The following ATP1A2 variants were observed in gnomAD, a reference collection of about 807,000 sequenced individuals.
The protein encoded by ATP1A2 is ATPase Na+/K+ transporting subunit alpha 2, also known as sodium/potassium-transporting ATPase subunit alpha-2.
In ATP1A2, 56 loss-of-function variants were observed where a neutral mutation model predicts 113.1. That is an observed-to-expected ratio of 0.49 (90% CI 0.40 to 0.62). ATP1A2 has a LOEUF of 0.62. Among genes scored for constraint, ATP1A2 ranks in the 20% least tolerant of loss-of-function variants. The pLI, the probability that ATP1A2 is intolerant of heterozygous loss-of-function variation, is 0.00. For missense variants in ATP1A2, 712 were observed against 1,357.8 expected (o/e 0.52, Z 7.47); for synonymous variants, 490 against 526.8 (o/e 0.93, Z 0.96).
intron 8 of ATP1A2, 84 bp from the exon 9 acceptor site, chr1:160,128,568 G>A (rs1651658944): frequency 6.3e-7 from 1 of 1,598,438 alleles, no homozygotes; most frequent in Non-Finnish European, 8.5e-7. Context: ...CAGGGGAGGA[G>A]GAATGGAGCC....
rs912419331 is a variant in ATP1A2, at chr1:160,128,677, G to A, written c.1043G>A (p.Arg348His). The change falls in exon 9 of 23, where the codon CGC becomes CAC. Residue 348 changes from arginine (R) to histidine (H), a missense_variant. Around this residue, in one of 6 missense-constraint regions of ATP1A2, gnomAD observed 44 missense variants for 153.1 expected, o/e 0.29. Coordinates refer to ENST00000361216, the MANE Select transcript of ATP1A2 (RefSeq NM_000702.4). The part of the protein sequence containing the change: ...VTVCLTLTAK[R>H]MARKNCLVKN... ...GTGTGCCTGACCCTGACAGCCAAGCGCATGGCACGGAAGAACTGCCTGGTG... is the reference window on the plus strand; with the variant it reads ...GTGTGCCTGACCCTGACAGCCAAGCACATGGCACGGAAGAACTGCCTGGTG... The A allele has an allele frequency of 2.5e-6, 4 of 1,614,008 alleles. No individual in the cohort carries two copies. Among genetic ancestry groups the A allele is most frequent in the African/African-American group, 1.3e-5 (1 of 74,890 alleles).
At chr1:160,139,600 G>A in intron 20 of ATP1A2, 40 bp from the exon 21 acceptor site, 2 of 1,581,148 alleles carry the variant, frequency 1.3e-6, no homozygotes, top group Non-Finnish European at 1.7e-6. Flanking sequence ...CTGCCTCCAT[G>A]ATCCCCCTTC....
chr1:160,124,088 C>G, intron 5 of ATP1A2, 32 bp downstream of exon 5: 1 of 1,610,636 alleles, frequency 6.2e-7, no homozygotes, highest in Non-Finnish European at 8.5e-7. Context: ...CTGGGCTAGG[C>G]TGTAAGGTTT....
intron 13 of ATP1A2, among the ~76,000 whole-genome samples, chr1:160,131,350 T>C (rs1651765113): frequency 6.6e-6 from 1 of 152,200 alleles, no homozygotes; most frequent in Non-Finnish European, 1.5e-5. Context: ...AGAGGGAAAC[T>C]GAGGCACAAA....
At chr1:160,117,006 G>T (rs1651206614) in intron 1 of ATP1A2, among the ~76,000 whole-genome samples, 1 of 152,184 alleles carries the variant, frequency 6.6e-6, no homozygotes, top group Admixed American at 6.5e-5. Flanking sequence ...CCATAGGCGG[G>T]GAGTCCTGCA....
chr1:160,127,559 CA>C lies in ATP1A2; in HGVS notation c.757del (p.Arg253GlyfsTer4). On this transcript the variant is annotated frameshift_variant, in exon 8 of 23. Coordinates refer to ENST00000361216, the MANE Select transcript of ATP1A2 (RefSeq NM_000702.4). LOFTEE classifies it high-confidence loss of function. ...FSTNCVEGTA[R>X]GIVIATGDRT... ...TGCCCCACCATGTTGCAGGCACTGC[CA>C]GGGGCATTGTGATTGCCACAGGAGA... 1 of 1,614,220 alleles carries C rather than the reference CA, an allele frequency of 6.2e-7. No homozygotes were observed. Among genetic ancestry groups the C allele is most frequent in the Non-Finnish European group, 8.5e-7 (1 of 1,180,040 alleles).
intron 10 of ATP1A2, 59 bp from the exon 11 acceptor site, chr1:160,129,207 C>A: frequency 1.2e-6 from 2 of 1,613,294 alleles, no homozygotes; most frequent in Non-Finnish European, 1.7e-6. Flanking sequence ...GCCGCCTTCA[C>A]CTGATCCTCC....
chr1:160,119,104 T>C lies in ATP1A2; in HGVS notation c.13-1802T>C, dbSNP rs561524222. Among the ~76,000 whole-genome samples, 472 of 151,792 alleles carry C rather than the reference T, an allele frequency of 3.1e-3. 1 individual carries two copies. Among genetic ancestry groups the C allele is most frequent in the African/African-American group, 0.011 (445 of 41,334 alleles). On this transcript the variant is annotated intron_variant, in intron 1 of 22. Coordinates refer to ENST00000361216, the MANE Select transcript of ATP1A2 (RefSeq NM_000702.4). Reference sequence around the variant, plus strand: ...AATGTAACACTCTGATGCAGGGTGTTGATAGTGGGTGAGGCTGTGCATGTG... The same window carrying C: ...AATGTAACACTCTGATGCAGGGTGTCGATAGTGGGTGAGGCTGTGCATGTG...
Position 160,136,391 on chromosome 1 carries a change from C to T in ATP1A2, c.2563+21C>T, listed in dbSNP as rs752883804. On this transcript the variant is annotated intron_variant, in intron 18 of 22. Coordinates refer to ENST00000361216, the MANE Select transcript of ATP1A2 (RefSeq NM_000702.4). ...GATCGGTGCGCCAAGCCCCGGGCCT[C>T]GGGAGGGAACCCCAACAGGGTTCTT... 2.3e-5 allele frequency: 37 copies of T among 1,613,584 alleles called. No homozygotes were observed. The South Asian group carries it at 2.4e-4, about 11-fold the overall frequency.
rs149360173 is a variant in ATP1A2, at chr1:160,125,978, G to C, written c.748+725G>C. ...AGGAGTAGGAGGGAAGAGACAGAAA[G>C]AGGCCTCACTAGACCAGTGGCCTCT... On this transcript the variant is annotated intron_variant, in intron 7 of 22. Coordinates refer to ENST00000361216, the MANE Select transcript of ATP1A2 (RefSeq NM_000702.4). Among the ~76,000 whole-genome samples, 5 of 152,326 alleles carry C rather than the reference G, an allele frequency of 3.3e-5. No homozygotes were observed. In the East Asian group the frequency reaches 9.6e-4, roughly 29 times the overall value.
Position 160,120,962 on chromosome 1 carries a change from G to A in ATP1A2, c.69G>A (p.Lys23=). The stretch of plus-strand genomic sequence containing the variant: ...CGGCAGAGAATGGGGGCGGCAAGAA[G>A]AAACAGAAGGAGAAGGAACTGGATG... ...ATTAENGGGK[K]KQKEKELDEL... The change falls in exon 2 of 23, where the codon AAG becomes AAA. Residue 23 remains lysine, a synonymous_variant. Coordinates refer to ENST00000361216, the MANE Select transcript of ATP1A2 (RefSeq NM_000702.4). The A allele has an allele frequency of 6.2e-7, 1 of 1,613,004 alleles. No individual in the cohort carries two copies. The highest frequency in any genetic ancestry group is 8.5e-7 in the Non-Finnish European group (1 of 1,179,422).
chr1:160,141,109 A>G lies in ATP1A2; in HGVS notation c.3035-185A>G, dbSNP rs115994216. Among the ~76,000 whole-genome samples, 3,870 of 152,090 alleles carry G rather than the reference A, an allele frequency of 0.025. 155 individuals are homozygous for G. Among genetic ancestry groups the G allele is most frequent in the African/African-American group, 0.088 (3,664 of 41,464 alleles). The stretch of plus-strand genomic sequence containing the variant: ...TCTCCGCCTGCCTCAGCCTCCCAGT[A>G]TGCTGGGATTACAGGCATGAGCCAC... On this transcript the variant is annotated intron_variant, in intron 22 of 22. Coordinates refer to ENST00000361216, the MANE Select transcript of ATP1A2 (RefSeq NM_000702.4).
In ATP1A2 at chr1:160,140,003, C is replaced by T. The variant is rs764618541; in HGVS notation, c.3034+19C>T. The T allele has an allele frequency of 6.2e-7, 1 of 1,611,458 alleles. No individual in the cohort carries two copies. The highest frequency in any genetic ancestry group is 8.5e-7 in the Non-Finnish European group (1 of 1,178,854). On this transcript the variant is annotated intron_variant, in intron 22 of 22. Transcript: ENST00000361216. ...CCTGGTGGTAAGCCCCTCCACATTC[C>T]CCCCAGCAAAGTGCAAGCCCCACCA...
At chr1:160,122,445 C>T (rs1250737283) in intron 3 of ATP1A2, among the ~76,000 whole-genome samples, 1 of 150,796 alleles carries the variant, frequency 6.6e-6, no homozygotes, top group South Asian at 2.1e-4. Context: ...AGAAACGGTC[C>T]CTGCTTTAAA....
intron 3 of ATP1A2, among the ~76,000 whole-genome samples, chr1:160,122,997 C>A (rs1459002197): frequency 2.0e-5 from 3 of 152,114 alleles, no homozygotes; most frequent in Admixed American, 6.5e-5. Context: ...AGGGGTCAAG[C>A]CCAGTCAAAC....
chr1:160,139,778 G>C, intron 21 of ATP1A2, 37 bp downstream of exon 21: 4 of 1,612,426 alleles, frequency 2.5e-6, no homozygotes, highest in East Asian at 2.2e-5. Flanking sequence ...GTAGTCATAC[G>C]GGGGGCCTTC....
chr1:160,134,898 G>A (rs1651886143), intron 14 of ATP1A2, among the ~76,000 whole-genome samples: 1 of 152,196 alleles, frequency 6.6e-6, no homozygotes, highest in South Asian at 2.1e-4. Context: ...TGGGATGTGA[G>A]TAAAGAAACT....
chr1:160,123,888 G>T, intron 4 of ATP1A2, 55 bp from the exon 5 acceptor site: 14 of 1,529,058 alleles, frequency 9.2e-6, no homozygotes, highest in South Asian at 1.1e-5. Context: ...AGTGGCAGCT[G>T]CCCCTTTAGG....
rs748654627 is a variant in ATP1A2, at chr1:160,130,181, G to T, written c.1541G>T (p.Arg514Leu). The T allele has an allele frequency of 5.0e-6, 8 of 1,614,032 alleles. No homozygotes were observed. Among genetic ancestry groups the T allele is most frequent in the Admixed American group, 1.7e-5 (1 of 60,010 alleles). The change falls in exon 12 of 23, where the codon CGG becomes CTG. Residue 514 changes from arginine to leucine, a missense_variant. By Grantham distance (102) the Arg-to-Leu change is moderately radical. Around this residue, in one of 6 missense-constraint regions of ATP1A2, gnomAD observed 263 missense variants for 380.6 expected, o/e 0.69. Coordinates refer to ENST00000361216, the MANE Select transcript of ATP1A2 (RefSeq NM_000702.4). ...GGGGCCCCAGAGCGCATTCTGGACC[G>T]GTGCTCCACCATCCTGGTGCAGGGC... ...MKGAPERILD[R>L]CSTILVQGKE...
Sources: allele counts gnomAD v4.1 joint callset (sites outside exome capture counted in the v4.1 genomes callset), GRCh38; gene constraint gnomAD v4.1.1; regional missense constraint gnomAD v4.1.1; transcripts MANE v1.5; gene names NCBI Gene and HGNC (gene_info 2026-07-23, HGNC 2026-07-21).